ZNF469: variants seen among roughly 807,000 people sequenced by gnomAD.
ZNF469 encodes the protein zinc finger protein 469.
ZNF469 carries 1 observed loss-of-function variant against 1.0 expected under a neutral mutation model. The ratio of observed to expected loss-of-function variants is 1.00; its 90% CI spans 0.35 to 4.73. The LOEUF (loss-of-function observed/expected upper bound fraction) is 4.73, where lower values mean the gene tolerates loss of function less well. ZNF469 is among the 30% of genes most tolerant of loss of function. The probability of loss-of-function intolerance (pLI) is 0.16; values close to 1 mark genes in which losing one functional copy is unlikely to be tolerated. For synonymous variants in ZNF469, 2,703 were observed against 2,363.4 expected (o/e 1.14, Z -4.17); for missense variants, 6,100 against 5,356.3 (o/e 1.14, Z -4.33).
the ZNF469 span, among the ~76,000 whole-genome samples, chr16:88,279,678 T>C: frequency 0.011 from 1,327 of 126,254 alleles, 20 homozygotes; most frequent in Non-Finnish European, 0.016. Flanking sequence ...GTTAGTGCTG[T>C]GCCACACTGA....
At chr16:88,248,245 G>A in the ZNF469 span, among the ~76,000 whole-genome samples, 1 of 152,216 alleles carries the variant, frequency 6.6e-6, no homozygotes, top group Non-Finnish European at 1.5e-5. Context: ...AGTGCATTTA[G>A]TAACCACTGT....
the ZNF469 span, among the ~76,000 whole-genome samples, chr16:88,305,833 A>G: frequency 6.6e-6 from 1 of 152,170 alleles, no homozygotes; most frequent in African/African-American, 2.4e-5. Context: ...ACTCATGCAC[A>G]TGCCCAGACA....
the ZNF469 span, among the ~76,000 whole-genome samples, chr16:88,339,769 C>A: frequency 1.6e-5 from 1 of 62,522 alleles, no homozygotes; most frequent in Non-Finnish European, 3.0e-5. Flanking sequence ...GGCAGGGGGA[C>A]GGGGGGACAT....
the ZNF469 span, among the ~76,000 whole-genome samples, chr16:88,130,563 G>A: frequency 6.6e-6 from 1 of 152,006 alleles, no homozygotes; most frequent in Non-Finnish European, 1.5e-5. Flanking sequence ...AAAATTAGCT[G>A]GGCGTGGTGG....
chr16:88,376,981 C>T, the ZNF469 span, among the ~76,000 whole-genome samples: 2 of 152,248 alleles, frequency 1.3e-5, no homozygotes, highest in African/African-American at 4.8e-5. Flanking sequence ...GCTCATGCCG[C>T]CGGGAGGGCC....
At chr16:88,346,924 C>G in the ZNF469 span, among the ~76,000 whole-genome samples, 1 of 152,214 alleles carries the variant, frequency 6.6e-6, no homozygotes, top group African/African-American at 2.4e-5. Flanking sequence ...CCGGGAAGAA[C>G]CAGCTGGCCT....
At chr16:88,230,238 C>G in the ZNF469 span, among the ~76,000 whole-genome samples, 6 of 152,270 alleles carry the variant, frequency 3.9e-5, no homozygotes, top group Non-Finnish European at 8.8e-5. Context: ...AACCACCCTT[C>G]CACCTTCAGC....
At chr16:88,248,952 C>T in the ZNF469 span, among the ~76,000 whole-genome samples, 1 of 152,204 alleles carries the variant, frequency 6.6e-6, no homozygotes, top group Non-Finnish European at 1.5e-5. Context: ...CCCTCGGCCT[C>T]TCTGTCCACC....
chr16:88,258,554 C>A, the ZNF469 span, among the ~76,000 whole-genome samples: 1 of 152,192 alleles, frequency 6.6e-6, no homozygotes, highest in East Asian at 1.9e-4. Context: ...AAGTTTAAGG[C>A]AGTAATATTG....
intron 1 of ZNF469, among the ~76,000 whole-genome samples, chr16:88,387,856 A>G (rs1348447037): frequency 2.0e-5 from 3 of 152,150 alleles, no homozygotes; most frequent in Non-Finnish European, 4.4e-5. Context: ...TGGAGGAACC[A>G]GGAGCAAAGG....
chr16:88,429,211 C>T lies in ZNF469; in HGVS notation c.1741C>T (p.Pro581Ser), dbSNP rs760259912. The T allele has an allele frequency of 2.6e-6, 4 of 1,549,850 alleles. No homozygotes were observed. The South Asian group carries it at 3.6e-5, about 14-fold the overall frequency. ...CCACGGGACACCCAGCCTGCCCCCA[C>T]CGAGGGTAGTGGGAGCCTCCCCCAG... ...SPHGTPSLPP[P>S]RVVGASPSES... Residue 581 changes from proline (P) to serine (S), a missense_variant, in exon 3 of 3, where the codon CCG (proline) becomes TCG (serine). Transcript: ENST00000565624.
chr16:88,242,024 G>A, the ZNF469 span, among the ~76,000 whole-genome samples: 1 of 152,172 alleles, frequency 6.6e-6, no homozygotes, highest in African/African-American at 2.4e-5. Context: ...TGGCGAGACT[G>A]TTAAAGGCTG....
chr16:88,405,744 G>A (rs890091087), intron 1 of ZNF469, among the ~76,000 whole-genome samples: 2 of 152,194 alleles, frequency 1.3e-5, no homozygotes, highest in Non-Finnish European at 2.9e-5. Flanking sequence ...AAGCCGCCTC[G>A]GTGGGGCCAC....
chr16:88,184,028 C>T, the ZNF469 span, among the ~76,000 whole-genome samples: 27 of 151,862 alleles, frequency 1.8e-4, no homozygotes, highest in African/African-American at 6.0e-4. Flanking sequence ...GCAGAGGTGC[C>T]GGAGTCTCCG....
chr16:88,249,226 T>TA, the ZNF469 span, among the ~76,000 whole-genome samples: 139,903 of 142,960 alleles, frequency 0.98, 68,467 homozygotes, highest in East Asian at 1. Context: ...AGCTTCTGTT[T>TA]AAAAAAAAAA....
chr16:88,204,287 G>A, the ZNF469 span, among the ~76,000 whole-genome samples: 5 of 152,018 alleles, frequency 3.3e-5, no homozygotes, highest in Admixed American at 6.5e-5. Context: ...GAGGTGCCCC[G>A]TAACCTCATA....
the ZNF469 span, among the ~76,000 whole-genome samples, chr16:88,198,128 A>G: frequency 6.6e-6 from 1 of 152,252 alleles, no homozygotes; most frequent in African/African-American, 2.4e-5. Context: ...CTGTGTGCCC[A>G]GCCCTGGGGC....
the ZNF469 span, among the ~76,000 whole-genome samples, chr16:88,171,802 G>C: frequency 2.0e-5 from 3 of 152,170 alleles, 1 homozygote; most frequent in South Asian, 6.2e-4. Flanking sequence ...GTATTTGTTG[G>C]GGTTAGTCTT....
the ZNF469 span, among the ~76,000 whole-genome samples, chr16:88,208,673 AGGG>A: frequency 6.7e-6 from 1 of 149,198 alleles, no homozygotes; most frequent in African/African-American, 2.5e-5. Context: ...GGAGGGAAGA[AGGG>A]AGGAGGGAAG....
Sources: gnomAD v4.1 joint callset for allele counts (sites outside exome capture counted in the v4.1 genomes callset) on GRCh38, gnomAD v4.1.1 for gene constraint, MANE v1.5 for transcripts, NCBI Gene and HGNC (gene_info 2026-07-23, HGNC 2026-07-21) for gene names.